Variants in ELP4 observed in about 807,000 individuals in gnomAD.
The protein encoded by ELP4 is elongator acetyltransferase complex subunit 4.
Under a neutral mutation model 48.9 loss-of-function variants are expected in ELP4, and 51 were observed. The observed-to-expected ratio is 1.04, with a 90% CI of 0.83 to 1.32. The LOEUF is 1.32. Among genes scored for constraint, ELP4 ranks in the 40% most tolerant of loss-of-function variants. The pLI is 0.00. For missense variants in ELP4, 519 were observed against 514.6 expected, an observed-to-expected ratio of 1.01 and a Z score of -0.08; for synonymous variants, 210 against 189.2, an observed-to-expected ratio of 1.11 and a Z score of -0.90.
chr11:31,608,906 GT>G (rs1258970081), intron 5 of ELP4, among the ~76,000 whole-genome samples: 1 of 152,156 alleles, frequency 6.6e-6, no homozygotes, highest in East Asian at 1.9e-4. Context: ...TATTAGCAGA[GT>G]TACCCTGGGC....
At chr11:31,653,753 C>T (rs939405917) in intron 9 of ELP4, 3 of 151,762 alleles carry the variant, frequency 2.0e-5, no homozygotes, top group Non-Finnish European at 4.4e-5. Flanking sequence ...GTGACCCGTA[C>T]ACACTGTGTT....
intron 2 of ELP4, among the ~76,000 whole-genome samples, chr11:31,533,260 G>A (rs1010414913): frequency 1.3e-5 from 2 of 150,170 alleles, no homozygotes; most frequent in Non-Finnish European, 3.0e-5. Context: ...TGTAGCTGTT[G>A]TCATTTATAA....
chr11:31,770,205 GGGT>G (rs1386103807), intron 9 of ELP4, among the ~76,000 whole-genome samples: 1 of 152,132 alleles, frequency 6.6e-6, no homozygotes, highest in Non-Finnish European at 1.5e-5. Flanking sequence ...CACAAGCCAT[GGGT>G]TAAGCAGCAG....
chr11:31,736,492 A>G (rs1376440997), intron 9 of ELP4, among the ~76,000 whole-genome samples: 1 of 152,186 alleles, frequency 6.6e-6, no homozygotes, highest in Non-Finnish European at 1.5e-5. Context: ...TAATTAAACT[A>G]AAGAACTTCT....
chr11:31,570,052 C>T (rs1327674772), intron 3 of ELP4, among the ~76,000 whole-genome samples: 1 of 152,138 alleles, frequency 6.6e-6, no homozygotes, highest in East Asian at 1.9e-4. Context: ...CAAAAAGGCA[C>T]GTCCATATGT....
chr11:31,760,505 G>T (rs781377660), intron 9 of ELP4, among the ~76,000 whole-genome samples: 10 of 152,104 alleles, frequency 6.6e-5, no homozygotes, highest in Non-Finnish European at 1.3e-4. Flanking sequence ...ATCAGTTTAA[G>T]TATGCTAGAT....
chr11:31,607,985 G>C (rs1021014019), intron 5 of ELP4, among the ~76,000 whole-genome samples: 1 of 151,912 alleles, frequency 6.6e-6, no homozygotes, highest in East Asian at 1.9e-4. Context: ...GTTTTGTAGG[G>C]TAACTGCTGC....
intron 9 of ELP4, among the ~76,000 whole-genome samples, chr11:31,769,544 C>G (rs1316673365): frequency 6.6e-6 from 1 of 152,188 alleles, no homozygotes; most frequent in Non-Finnish European, 1.5e-5. Context: ...TAGAATTTCT[C>G]TATTCCGTAA....
chr11:31,556,326 A>G (rs1205970004), intron 3 of ELP4, among the ~76,000 whole-genome samples: 1 of 151,866 alleles, frequency 6.6e-6, no homozygotes, highest in Admixed American at 6.6e-5. Context: ...TTTCTTCATC[A>G]TCTCCAATGT....
chr11:31,613,532 C>A (rs1027706769), intron 5 of ELP4, among the ~76,000 whole-genome samples: 2 of 152,172 alleles, frequency 1.3e-5, no homozygotes, highest in Non-Finnish European at 2.9e-5. Flanking sequence ...TATCAGCATA[C>A]TTCTTAATAT....
chr11:31,765,251 A>G (rs1948019301), intron 9 of ELP4, among the ~76,000 whole-genome samples: 3 of 152,062 alleles, frequency 2.0e-5, no homozygotes, highest in Admixed American at 6.6e-5. Flanking sequence ...TTTTTTAACA[A>G]AAAAAAATTG....
At chr11:31,638,545 C>T (rs4922873) in intron 7 of ELP4, among the ~76,000 whole-genome samples, 96,276 of 151,498 alleles carry the variant, frequency 0.64, 33,027 homozygotes, top group Non-Finnish European at 0.76. Flanking sequence ...CATTTTCTGA[C>T]GAAAAGGAGG....
At chr11:31,581,891 T>C (rs1486288121) in intron 3 of ELP4, among the ~76,000 whole-genome samples, 1 of 152,092 alleles carries the variant, frequency 6.6e-6, no homozygotes, top group South Asian at 2.1e-4. Flanking sequence ...TAGCTGGGAC[T>C]ACAGGCATGC....
Position 31,632,219 on chromosome 11 carries a change from A to T in ELP4, c.741A>T (p.Lys247Asn), listed in dbSNP as rs1346222595. 6.3e-7 allele frequency: 1 copy of T among 1,596,380 alleles called. No homozygotes were observed. Among genetic ancestry groups the T allele is most frequent in the Non-Finnish European group, 8.5e-7 (1 of 1,174,786 alleles). Residue 247 changes from lysine to asparagine, a missense_variant and splice_region_variant, in exon 7 of 10, where the codon AAA (lysine) becomes AAT (asparagine). Coordinates refer to ENST00000640961, the MANE Select transcript of ELP4 (RefSeq NM_019040.5). ...GCTTTTTTCCCACTTTCTTTTAGAA[A>T]AAACAGAGAAACATTTTAAGAATAG... The part of the protein sequence containing the change: ...EEGFDGSNPQ[K>N]KQRNILRIGI...
chr11:31,780,500 A>G (rs966541430), intron 9 of ELP4, among the ~76,000 whole-genome samples: 7 of 152,230 alleles, frequency 4.6e-5, no homozygotes, highest in Admixed American at 1.3e-4. Context: ...TTCAAAGGGC[A>G]TGAATATACA....
At chr11:31,660,430 T>C (rs1253057941) in intron 9 of ELP4, among the ~76,000 whole-genome samples, 1 of 152,180 alleles carries the variant, frequency 6.6e-6, no homozygotes, top group Non-Finnish European at 1.5e-5. Flanking sequence ...GTTGATCCTG[T>C]AAATAAATGG....
intron 3 of ELP4, among the ~76,000 whole-genome samples, chr11:31,559,602 T>A (rs1204155694): frequency 2.0e-5 from 3 of 151,894 alleles, no homozygotes; most frequent in Admixed American, 1.3e-4. Flanking sequence ...AATCAAAGAG[T>A]ATAAAGAAAA....
At chr11:31,535,381 T>A (rs1403819752) in intron 2 of ELP4, among the ~76,000 whole-genome samples, 1 of 152,128 alleles carries the variant, frequency 6.6e-6, no homozygotes, top group Non-Finnish European at 1.5e-5. Context: ...CTCGTTCTGT[T>A]CCCCAGGCTG....
chr11:31,522,113 A>G (rs1592080699), intron 2 of ELP4, among the ~76,000 whole-genome samples: 1 of 152,208 alleles, frequency 6.6e-6, no homozygotes, highest in South Asian at 2.1e-4. Context: ...ACTGTTTAAG[A>G]CAGAATTATT....
Sources: gnomAD v4.1 joint callset for allele counts (sites outside exome capture counted in the v4.1 genomes callset) on GRCh38, gnomAD v4.1.1 for gene constraint, MANE v1.5 for transcripts, NCBI Gene and HGNC (gene_info 2026-07-23, HGNC 2026-07-21) for gene names.